BCLAF3: variants seen among roughly 807,000 people sequenced by gnomAD.
BCLAF3 encodes transient octamer binding factor 1.
BCLAF3 carries 24 observed loss-of-function variants against 51.2 expected under a neutral mutation model. The observed-to-expected ratio is 0.47, with a 90% confidence interval of 0.34 to 0.66. BCLAF3 has a LOEUF of 0.66. Ranked by LOEUF, BCLAF3 falls within the 30% of genes least tolerant of loss-of-function variation. The probability of loss-of-function intolerance (pLI) is 0.01; values close to 1 mark genes in which losing one functional copy is unlikely to be tolerated. For synonymous variants in BCLAF3, 152 were observed against 176.6 expected (o/e 0.86, Z 1.10); for missense variants, 465 against 525.1 (o/e 0.89, Z 1.12).
intron 2 of BCLAF3, among the ~76,000 whole-genome samples, chrX:19,969,673 T>A (rs1030858643): frequency 2.7e-5 from 3 of 111,811 alleles, no homozygotes; most frequent in African/African-American, 6.5e-5. Context: ...ACCACGTGCT[T>A]GCTGAGGCCA....
At chrX:19,939,729 T>A (rs2070927960) in intron 8 of BCLAF3, among the ~76,000 whole-genome samples, 1 of 112,220 alleles carries the variant, frequency 8.9e-6, no homozygotes, top group Admixed American at 9.5e-5. Context: ...TATTCAGCCT[T>A]AAAAGAGAAT....
intron 11 of BCLAF3, among the ~76,000 whole-genome samples, chrX:19,921,468 C>T (rs1054882590): frequency 7.1e-5 from 8 of 112,191 alleles, no homozygotes; most frequent in African/African-American, 2.6e-4. Flanking sequence ...ATTCTAGAGG[C>T]CAAGGCAGGC....
At position 19,965,648 on chromosome X, in the gene BCLAF3, C is replaced by T. The variant is rs757330779; in HGVS notation, c.670G>A (p.Val224Met). ...GGCTCTCTGCTTTCATACCTCTCCA[C>T]GTCTTTAGGTCTTTTTGATGTGTGT... ...YGHTSKRPKD[V>M]ERYESREPAR... Residue 224 changes from valine (V) to methionine (M), a missense_variant, in exon 4 of 12, where the codon GTG becomes ATG. Val to Met is a conservative substitution (Grantham distance 21). Transcript: ENST00000379682. The T allele has an allele frequency of 7.0e-6, 8 of 1,150,344 alleles. No homozygotes were observed. The highest frequency in any genetic ancestry group is 3.0e-5 in the Admixed American group (1 of 33,688). 94.8% of individuals were successfully genotyped at this position (1,150,344 alleles called of 1,213,427 possible). A position where few individuals can be genotyped will look rare whatever the true frequency, so the allele number is the denominator to read the frequency against.
At chrX:19,927,927 G>A (rs760806463) in intron 11 of BCLAF3, among the ~76,000 whole-genome samples, 3 of 106,663 alleles carry the variant, frequency 2.8e-5, no homozygotes, top group Non-Finnish European at 5.8e-5. Flanking sequence ...CCAGGCTGGA[G>A]TGCAGTTGCA....
intron 11 of BCLAF3, 180 bp downstream of exon 11, chrX:19,929,605 C>T (rs145759402): frequency 0.015 from 5,941 of 398,555 alleles, 38 homozygotes; most frequent in Middle Eastern, 0.026. Context: ...GGTTACACAG[C>T]CTCACAACTG....
intron 8 of BCLAF3, among the ~76,000 whole-genome samples, chrX:19,939,579 A>C (rs2070918913): frequency 8.9e-6 from 1 of 112,071 alleles, no homozygotes; most frequent in South Asian, 3.7e-4. Context: ...CTTTACACTA[A>C]CTAGGATGGC....
At chrX:19,933,701 A>C (rs1007954751) in intron 10 of BCLAF3, among the ~76,000 whole-genome samples, 2 of 112,302 alleles carry the variant, frequency 1.8e-5, no homozygotes, top group African/African-American at 3.2e-5. Context: ...ATGTCCTCTA[A>C]GGTTATTACT....
rs1228967495 is a variant in BCLAF3 at position 19,991,016 on chromosome X, G to A, written c.-143C>T. Among the ~76,000 whole-genome samples the A allele has an allele frequency of 9.4e-6, 1 of 106,060 alleles. No homozygotes were observed. The highest frequency in any genetic ancestry group is 2.0e-5 in the Non-Finnish European group (1 of 51,089). 92.1% of individuals were successfully genotyped at this position (106,060 alleles called of 115,157 possible). On this transcript the variant is annotated 5_prime_UTR_variant, in exon 1 of 12. Coordinates refer to ENST00000379682, the MANE Select transcript of BCLAF3 (RefSeq NM_001367774.2). Reference sequence around the variant, plus strand: ...CCTCACTCTGCCGCCGCCTCCCACAGCAGCGACACCCCAGCCACCTCTGCC... The same window carrying A: ...CCTCACTCTGCCGCCGCCTCCCACAACAGCGACACCCCAGCCACCTCTGCC...
chrX:19,927,229 AAAAT>A (rs780018787), intron 11 of BCLAF3, among the ~76,000 whole-genome samples: 1 of 111,244 alleles, frequency 9.0e-6, no homozygotes, highest in South Asian at 3.8e-4. Context: ...CTCCATCTCA[AAAAT>A]AAATAAATAA....
chrX:19,982,526 A>G lies in BCLAF3; in HGVS notation c.-35+8382T>C, dbSNP rs189389310. Among the ~76,000 whole-genome samples the G allele has an allele frequency of 7.6e-5, 8 of 105,365 alleles. No homozygotes were observed. In the South Asian group the frequency reaches 1.3e-3, roughly 17 times the overall value. 91.5% of individuals were successfully genotyped at this position (105,365 alleles called of 115,157 possible). On this transcript the variant is annotated intron_variant, in intron 1 of 11. Coordinates refer to ENST00000379682, the MANE Select transcript of BCLAF3 (RefSeq NM_001367774.2). Reference sequence around the variant, plus strand: ...TTCCACAGTTGTCTATCATTATCCTACTTTGATTACATAGATGCAATTTCA... The same window carrying G: ...TTCCACAGTTGTCTATCATTATCCTGCTTTGATTACATAGATGCAATTTCA...
At chrX:19,954,512 T>C (rs1385696682) in intron 5 of BCLAF3, among the ~76,000 whole-genome samples, 2 of 112,057 alleles carry the variant, frequency 1.8e-5, no homozygotes, top group Admixed American at 1.9e-4. Flanking sequence ...GACAATCTCC[T>C]GGATTTTTCT....
intron 8 of BCLAF3, among the ~76,000 whole-genome samples, chrX:19,942,083 T>A (rs1281920121): frequency 1.2e-5 from 1 of 80,256 alleles, no homozygotes; most frequent in African/African-American, 5.6e-5. Context: ...TGTATGTTGC[T>A]GGTGTATAAG....
At chrX:19,983,645 G>C (rs2072696321) in intron 1 of BCLAF3, among the ~76,000 whole-genome samples, 1 of 110,276 alleles carries the variant, frequency 9.1e-6, no homozygotes, top group Non-Finnish European at 1.9e-5. Flanking sequence ...AACCCGGGAG[G>C]CGGAGCTTAC....
intron 4 of BCLAF3, among the ~76,000 whole-genome samples, chrX:19,956,251 T>C (rs2071659469): frequency 8.9e-6 from 1 of 111,948 alleles, no homozygotes; most frequent in African/African-American, 3.3e-5. Flanking sequence ...CTGAATCTTA[T>C]AACTTTTGTT....
At chrX:19,953,095 C>T (rs1347196419) in intron 6 of BCLAF3, 44 bp from the exon 7 acceptor site, 1 of 947,770 alleles carries the variant, frequency 1.1e-6, no homozygotes, top group Non-Finnish European at 1.5e-6. Context: ...TTATGTTATA[C>T]ACTGATACCC....
At position 19,955,528 on chromosome X, in the gene BCLAF3, T is replaced by A; in HGVS notation, c.1313A>T (p.His438Leu). 1.7e-6 allele frequency: 2 copies of A among 1,202,837 alleles called. No individual in the cohort carries two copies. Among genetic ancestry groups the A allele is most frequent in the Non-Finnish European group, 2.2e-6 (2 of 892,192 alleles). Residue 438 changes from histidine to leucine, a missense_variant, in exon 5 of 12, where the codon CAT becomes CTT. Transcript: ENST00000379682. ...SSYSTERQMS[H>L]DLVAVGRKSE... ...TTTCCTGCCAACAGCAACCAAATCA[T>A]GTGACATCTGTCTCTCTGTGGAATA... is the stretch of plus-strand genomic sequence containing the variant.
intron 8 of BCLAF3, among the ~76,000 whole-genome samples, chrX:19,940,050 T>C (rs2070946173): frequency 8.9e-6 from 1 of 111,929 alleles, no homozygotes; most frequent in Non-Finnish European, 1.9e-5. Flanking sequence ...TGTCAATGAA[T>C]TTTACACTTA....
intron 8 of BCLAF3, among the ~76,000 whole-genome samples, chrX:19,948,423 T>C (rs1467806402): frequency 2.7e-5 from 3 of 111,878 alleles, no homozygotes; most frequent in East Asian, 2.8e-4. Context: ...CATTATGCTA[T>C]AGGAAAGAAG....
In BCLAF3 at chrX:19,980,836, G is replaced by A. The variant is rs142361597; in HGVS notation, c.-35+10072C>T. 3.1e-4 allele frequency among the ~76,000 whole-genome samples: 34 copies of A among 109,440 alleles called. 1 individual carries two copies. In the East Asian group the frequency reaches 9.8e-3, roughly 31 times the overall value. On this transcript the variant is annotated intron_variant, in intron 1 of 11. Transcript: ENST00000379682. Reference sequence around the variant, plus strand: ...CACCTGTAGTCCCAGGTACTCGGGAGGCTGAGACACGAGAATCGCTTGAAC... The same window carrying A: ...CACCTGTAGTCCCAGGTACTCGGGAAGCTGAGACACGAGAATCGCTTGAAC...
Sources: gnomAD v4.1 joint callset for allele counts (sites outside exome capture counted in the v4.1 genomes callset) on GRCh38, gnomAD v4.1.1 for gene constraint, MANE v1.5 for transcripts, NCBI Gene and HGNC (gene_info 2026-07-23, HGNC 2026-07-21) for gene names.